Variants in TRPS1 observed in about 807,000 individuals in gnomAD.
TRPS1 encodes zinc finger transcription factor Trps1.
Under a neutral mutation model 101.2 loss-of-function variants are expected in TRPS1, and 6 were observed. That is an observed-to-expected ratio of 0.06 (90% CI 0.03 to 0.12). The LOEUF (loss-of-function observed/expected upper bound fraction) is 0.12. TRPS1 is among the 10% of genes least tolerant of loss of function. TRPS1 has a pLI of 1.00. For missense variants in TRPS1, 1,363 were observed against 1,567.0 expected, an observed-to-expected ratio of 0.87 and a Z score of 2.20; for synonymous variants, 578 against 589.8, an observed-to-expected ratio of 0.98 and a Z score of 0.29.
At chr8:115,505,472 C>T (rs1018888265) in intron 5 of TRPS1, among the ~76,000 whole-genome samples, 2 of 152,056 alleles carry the variant, frequency 1.3e-5, no homozygotes, top group Non-Finnish European at 2.9e-5. Flanking sequence ...CACACTTCAC[C>T]AGTTTTTTAA....
intron 5 of TRPS1, among the ~76,000 whole-genome samples, chr8:115,561,930 T>C (rs1203963759): frequency 6.6e-6 from 1 of 152,026 alleles, no homozygotes; most frequent in Admixed American, 6.6e-5. Context: ...AGCACCTTAA[T>C]CATGTGCAGA....
At chr8:115,534,816 T>C (rs987393879) in intron 5 of TRPS1, among the ~76,000 whole-genome samples, 9 of 152,144 alleles carry the variant, frequency 5.9e-5, no homozygotes, top group African/African-American at 2.2e-4. Context: ...CTTAATCCTT[T>C]CCTTTTCAAC....
At position 115,418,866 on chromosome 8, in the gene TRPS1, T is replaced by C. The variant is rs1812985312; in HGVS notation, c.2701-414A>G. On this transcript the variant is annotated intron_variant, in intron 5 of 6. Transcript: ENST00000395715. This position sits in a 1 kb window ranked among gnomAD's most constrained non-coding sequence, Gnocchi z 4.3. Reference sequence around the variant, plus strand: ...CCTGAGCTTTAAAATATAGTCAAGTTTGGAATAAATGTAAATCATTTAAAA... The same window carrying C: ...CCTGAGCTTTAAAATATAGTCAAGTCTGGAATAAATGTAAATCATTTAAAA... Among the ~76,000 whole-genome samples, 1 of 152,204 alleles carries C rather than the reference T, an allele frequency of 6.6e-6. No homozygotes were observed. The highest frequency in any genetic ancestry group is 6.5e-5 in the Admixed American group (1 of 15,280).
chr8:115,662,158 A>G (rs1286295837), intron 1 of TRPS1, among the ~76,000 whole-genome samples: 1 of 152,056 alleles, frequency 6.6e-6, no homozygotes, highest in Non-Finnish European at 1.5e-5. Context: ...CTCTCGCAAG[A>G]AAAACTGAGA....
chr8:115,427,473 C>CATT (rs139675710), intron 5 of TRPS1, among the ~76,000 whole-genome samples: 3 of 151,760 alleles, frequency 2.0e-5, no homozygotes, highest in South Asian at 2.1e-4. Context: ...GTATTATTAT[C>CATT]ATTATTATTA....
chr8:115,660,536 C>T (rs1055372124), intron 1 of TRPS1, among the ~76,000 whole-genome samples: 2 of 151,718 alleles, frequency 1.3e-5, no homozygotes, highest in African/African-American at 2.4e-5. Flanking sequence ...TGATACTATA[C>T]TACTCACTAT....
intron 3 of TRPS1, among the ~76,000 whole-genome samples, chr8:115,610,919 C>G (rs935077249): frequency 2.0e-5 from 3 of 151,972 alleles, no homozygotes; most frequent in African/African-American, 7.3e-5. Flanking sequence ...GAGTTCGAGA[C>G]CAGCCTGGCC....
At chr8:115,443,242 C>G (rs1006337716) in intron 5 of TRPS1, among the ~76,000 whole-genome samples, 1 of 152,160 alleles carries the variant, frequency 6.6e-6, no homozygotes, top group Non-Finnish European at 1.5e-5. Flanking sequence ...TGCACTCCAG[C>G]CTGGGTGACA....
rs550526475 is a variant in TRPS1, at chr8:115,478,025, G to A, written c.2701-59573C>T. Among the ~76,000 whole-genome samples, 7 of 151,890 alleles carry A rather than the reference G, an allele frequency of 4.6e-5. No homozygotes were observed. In the South Asian group the frequency reaches 1.5e-3, roughly 32 times the overall value. ...CTTCCTCTAATACAATCAATACTGT[G>A]ATGAACATCCAAGTGTTTGATATTC... On this transcript the variant is annotated intron_variant, in intron 5 of 6. Transcript: ENST00000395715.
At chr8:115,662,691 TAA>T (rs751548438) in intron 1 of TRPS1, among the ~76,000 whole-genome samples, 7 of 107,586 alleles carry the variant, frequency 6.5e-5, no homozygotes, top group Admixed American at 1.9e-4. Context: ...TGACTATTTA[TAA>T]AAAAAAAAAA....
At chr8:115,577,437 T>G (rs1275493992) in intron 5 of TRPS1, among the ~76,000 whole-genome samples, 3 of 152,134 alleles carry the variant, frequency 2.0e-5, no homozygotes, top group Non-Finnish European at 2.9e-5. Flanking sequence ...TTCTTGCCCC[T>G]GCTTCTTCAA....
chr8:115,660,766 A>G (rs1418957772), intron 1 of TRPS1, among the ~76,000 whole-genome samples: 1 of 151,926 alleles, frequency 6.6e-6, no homozygotes, highest in Non-Finnish European at 1.5e-5. Flanking sequence ...ACTTAACTTA[A>G]AAGTATATGG....
intron 5 of TRPS1, among the ~76,000 whole-genome samples, chr8:115,573,939 A>G (rs928073532): frequency 1.3e-5 from 2 of 152,160 alleles, no homozygotes; most frequent in Non-Finnish European, 2.9e-5. Flanking sequence ...ACCTTTTGGG[A>G]CAACTAAGTC....
At chr8:115,430,232 G>A (rs1457207360) in intron 5 of TRPS1, among the ~76,000 whole-genome samples, 3 of 152,214 alleles carry the variant, frequency 2.0e-5, no homozygotes, top group Non-Finnish European at 4.4e-5. Context: ...TCACAAAATA[G>A]TCCTACTTTC....
intron 1 of TRPS1, among the ~76,000 whole-genome samples, chr8:115,653,136 C>T (rs1489772976): frequency 6.6e-6 from 1 of 151,982 alleles, no homozygotes; most frequent in Admixed American, 6.6e-5. Flanking sequence ...TCCAATCTCT[C>T]AAAGTCAAAG....
Position 115,419,378 on chromosome 8 carries a change from A to C in TRPS1, c.2701-926T>G, listed in dbSNP as rs1022826999. Among the ~76,000 whole-genome samples, 5 of 152,026 alleles carry C rather than the reference A, an allele frequency of 3.3e-5. 1 individual carries two copies. The highest frequency in any genetic ancestry group is 7.4e-5 in the Non-Finnish European group (5 of 68,006). ...GGAAATGGAATTCTCTTGCTGAAAA[A>C]AAAAAAGAAAAAAAAAGACAGCCTG... On this transcript the variant is annotated intron_variant, in intron 5 of 6. Coordinates refer to ENST00000395715, the MANE Select transcript of TRPS1 (RefSeq NM_014112.5).
In TRPS1 at chr8:115,418,489, T is replaced by C; in HGVS notation, c.2701-37A>G. On this transcript the variant is annotated intron_variant, in intron 5 of 6. Transcript: ENST00000395715. The surrounding 1 kb of genome is among the most constrained non-coding windows in gnomAD (Gnocchi z 4.3). ...GAAAAAAACCAAGGTCAGAGGTGAG[T>C]CACATGATCAGTGGAGTTAGACCAA... 1.2e-6 allele frequency: 2 copies of C among 1,613,830 alleles called. No homozygotes were observed. Among genetic ancestry groups the C allele is most frequent in the Non-Finnish European group, 1.7e-6 (2 of 1,179,876 alleles).
At chr8:115,551,346 T>C (rs3808438) in intron 5 of TRPS1, among the ~76,000 whole-genome samples, 104,558 of 152,062 alleles carry the variant, frequency 0.69, 37,518 homozygotes, top group African/African-American at 0.89. Context: ...AAAGTTTGAA[T>C]TGTTTCCAAA....
intron 1 of TRPS1, among the ~76,000 whole-genome samples, chr8:115,654,071 G>A (rs1279444275): frequency 6.6e-6 from 1 of 152,176 alleles, no homozygotes; most frequent in Non-Finnish European, 1.5e-5. Flanking sequence ...TGAAAGATAA[G>A]AAACAAGGGA....
Sources: allele counts gnomAD v4.1 joint callset (sites outside exome capture counted in the v4.1 genomes callset), GRCh38; gene constraint gnomAD v4.1.1; non-coding constraint Gnocchi (gnomAD v3.1); transcripts MANE v1.5; gene names NCBI Gene and HGNC (gene_info 2026-07-23, HGNC 2026-07-21).